Variants in TRAPPC6B observed in about 807,000 individuals in gnomAD.
The protein encoded by TRAPPC6B is TRAPP complex subunit 6B.
A neutral mutation model predicts 24.7 loss-of-function variants in TRAPPC6B; 27 were observed. That is an observed-to-expected ratio of 1.09 (90% CI 0.81 to 1.51). TRAPPC6B has a LOEUF of 1.51. TRAPPC6B is among the 40% of genes most tolerant of loss of function. The pLI, the probability that TRAPPC6B is intolerant of heterozygous loss-of-function variation, is 0.00. For synonymous variants in TRAPPC6B, 80 were observed against 66.6 expected, an observed-to-expected ratio of 1.20 and a Z score of -0.98; for missense variants, 212 against 190.8, an observed-to-expected ratio of 1.11 and a Z score of -0.66.
intron 1 of TRAPPC6B, among the ~76,000 whole-genome samples, chr14:39,169,189 T>C (rs955267373): frequency 3.3e-5 from 5 of 152,224 alleles, no homozygotes; most frequent in Non-Finnish European, 7.3e-5. Flanking sequence ...CCGTTACAAC[T>C]CCATGATTCT....
At chr14:39,156,589 G>C (rs1180232957) in intron 3 of TRAPPC6B, among the ~76,000 whole-genome samples, 1 of 152,008 alleles carries the variant, frequency 6.6e-6, no homozygotes, top group Non-Finnish European at 1.5e-5. Flanking sequence ...TAAATACATA[G>C]TTTTCTATGT....
chr14:39,150,473 C>A, intron 5 of TRAPPC6B, 92 bp from the exon 6 acceptor site: 1 of 938,148 alleles, frequency 1.1e-6, no homozygotes, highest in Non-Finnish European at 1.6e-6. Context: ...GAAATAGTTT[C>A]AGTCAAGAAA....
At chr14:39,159,657 T>C (rs977858846) in intron 1 of TRAPPC6B, 107 bp from the exon 2 acceptor site, 1 of 705,024 alleles carries the variant, frequency 1.4e-6, no homozygotes, top group Non-Finnish European at 2.2e-6. Context: ...ACATTTATAC[T>C]TTTTTCCCTG....
Position 39,148,674 on chromosome 14 carries a change from ATG to A in TRAPPC6B, c.*1674_*1675del. 2.5e-6 allele frequency: 1 copy of A among 398,500 alleles called. No individual in the cohort carries two copies. Among genetic ancestry groups the A allele is most frequent in the Non-Finnish European group, 4.4e-6 (1 of 226,006 alleles). The allele number at this position is 398,500 out of a possible 1,614,324, so 24.7% of individuals were successfully genotyped here. On this transcript the variant is annotated 3_prime_UTR_variant, in exon 6 of 6. Coordinates refer to ENST00000330149, the MANE Select transcript of TRAPPC6B (RefSeq NM_001079537.2). ...TTATGACTTTTAATAAACTTTATAC[ATG>A]TATATTTGGTAGGAACTTTCCTAAA...
At position 39,149,002 on chromosome 14, in the gene TRAPPC6B, T is replaced by C; in HGVS notation, c.*1348A>G. The C allele has an allele frequency of 2.8e-6, 1 of 360,108 alleles. No individual in the cohort carries two copies. The highest frequency in any genetic ancestry group is 4.0e-5 in the East Asian group (1 of 24,780). The allele number at this position is 360,108 out of a possible 1,614,324, so 22.3% of individuals were successfully genotyped here. A position where few individuals can be genotyped will look rare whatever the true frequency, so the allele number is the denominator to read the frequency against. On this transcript the variant is annotated 3_prime_UTR_variant, in exon 6 of 6. Transcript: ENST00000330149. ...AAACATAAAGAAGGTACAGTAAAAATACAGTATTGTAATCTTATGGAACCA... is the reference window on the plus strand; with the variant it reads ...AAACATAAAGAAGGTACAGTAAAAACACAGTATTGTAATCTTATGGAACCA...
intron 4 of TRAPPC6B, among the ~76,000 whole-genome samples, chr14:39,152,391 C>T (rs75393923): frequency 0.03 from 4,561 of 152,106 alleles, 237 homozygotes; most frequent in African/African-American, 0.1. Context: ...ACAGTTTGGA[C>T]GTTGAGAAAC....
intron 4 of TRAPPC6B, among the ~76,000 whole-genome samples, chr14:39,153,329 T>C (rs748240505): frequency 9.3e-5 from 14 of 150,466 alleles, no homozygotes; most frequent in Non-Finnish European, 1.8e-4. Flanking sequence ...CCCAAAAATA[T>C]AGAAAATAGG....
intron 1 of TRAPPC6B, 93 bp from the exon 2 acceptor site, chr14:39,159,643 G>A: frequency 1.2e-6 from 1 of 844,070 alleles, no homozygotes; most frequent in Middle Eastern, 2.5e-4. Flanking sequence ...AAATATTAAT[G>A]TAAACATTTA....
chr14:39,168,790 T>C (rs1446739739), intron 1 of TRAPPC6B, among the ~76,000 whole-genome samples: 2 of 152,202 alleles, frequency 1.3e-5, no homozygotes, highest in Non-Finnish European at 2.9e-5. Context: ...CCTGTCTTAA[T>C]CCAGATCTTC....
At chr14:39,169,053 T>C (rs1003781854) in intron 1 of TRAPPC6B, among the ~76,000 whole-genome samples, 1 of 152,214 alleles carries the variant, frequency 6.6e-6, no homozygotes, top group Non-Finnish European at 1.5e-5. Flanking sequence ...CACCACTCTT[T>C]CATACCTCTA....
Position 39,148,567 on chromosome 14 carries a change from A to C in TRAPPC6B, c.*1783T>G, listed in dbSNP as rs912293876. On this transcript the variant is annotated 3_prime_UTR_variant, in exon 6 of 6. Coordinates refer to ENST00000330149, the MANE Select transcript of TRAPPC6B (RefSeq NM_001079537.2). ...TGAACCCAGCTTTTTCACACACACA[A>C]TTCTCACACCTGTTTTATTTTGAAG... is the stretch of plus-strand genomic sequence containing the variant. 1.3e-5 allele frequency: 5 copies of C among 398,026 alleles called. No homozygotes were observed. In the Admixed American group the frequency reaches 1.8e-4, roughly 14 times the overall value. The allele number at this position is 398,026 out of a possible 1,614,324, so 24.7% of individuals were successfully genotyped here. A position where few individuals can be genotyped will look rare whatever the true frequency, so the allele number is the denominator to read the frequency against.
Position 39,170,128 on chromosome 14 carries a change from G to C in TRAPPC6B, c.-33C>G. ...TAATTCTTCCAAGCTTCGAGTTTTG[G>C]CTCCCGTTTGAGCTGGTCTGGGGGT... On this transcript the variant is annotated 5_prime_UTR_variant, in exon 1 of 6. Coordinates refer to ENST00000330149, the MANE Select transcript of TRAPPC6B (RefSeq NM_001079537.2). 2 of 1,611,906 alleles carry C rather than the reference G, an allele frequency of 1.2e-6. No individual in the cohort carries two copies. Among genetic ancestry groups the C allele is most frequent in the Non-Finnish European group, 8.5e-7 (1 of 1,178,146 alleles).
chr14:39,157,866 T>C lies in TRAPPC6B; in HGVS notation c.267+419A>G, dbSNP rs913277569. 3 of 176,206 alleles carry C rather than the reference T, an allele frequency of 1.7e-5. No individual in the cohort carries two copies. The Admixed American group carries it at 1.8e-4, about 11-fold the overall frequency. The allele number at this position is 176,206 out of a possible 1,614,324, so 10.9% of individuals were successfully genotyped here. On this transcript the variant is annotated intron_variant, in intron 3 of 5. Coordinates refer to ENST00000330149, the MANE Select transcript of TRAPPC6B (RefSeq NM_001079537.2). ...ACACCAAACTGGGTTAAACATACAC[T>C]GTTGAGTTTTCTGTATATAAAAATA... is the stretch of plus-strand genomic sequence containing the variant.
intron 2 of TRAPPC6B, chr14:39,158,662 C>T (rs2053016531): frequency 5.9e-6 from 2 of 339,082 alleles, no homozygotes; most frequent in Non-Finnish European, 1.1e-5. Context: ...GCTGAGACCA[C>T]AGGCACATGT....
chr14:39,151,118 G>A (rs1379988962), intron 5 of TRAPPC6B, among the ~76,000 whole-genome samples: 6 of 151,980 alleles, frequency 3.9e-5, no homozygotes, highest in South Asian at 2.1e-4. Context: ...CGGGCCGGGC[G>A]CGGTGGTTCA....
At chr14:39,158,534 T>C (rs1012271875) in intron 2 of TRAPPC6B, 132 bp from the exon 3 acceptor site, 6 of 598,160 alleles carry the variant, frequency 1.0e-5, no homozygotes, top group African/African-American at 1.9e-5. Flanking sequence ...AATTTTTTTT[T>C]TGAGACAGAT....
intron 1 of TRAPPC6B, among the ~76,000 whole-genome samples, chr14:39,164,872 A>C (rs2053092447): frequency 6.6e-6 from 1 of 152,084 alleles, no homozygotes; most frequent in Non-Finnish European, 1.5e-5. Context: ...AATAAAGTCC[A>C]AACTCCTTAG....
intron 1 of TRAPPC6B, among the ~76,000 whole-genome samples, chr14:39,166,684 G>T (rs574291869): frequency 2.6e-5 from 4 of 152,164 alleles, no homozygotes; most frequent in Non-Finnish European, 5.9e-5. Flanking sequence ...TATTCTGGAA[G>T]TCACAGATTT....
At chr14:39,154,987 G>A (rs1424030244) in intron 3 of TRAPPC6B, among the ~76,000 whole-genome samples, 2 of 152,108 alleles carry the variant, frequency 1.3e-5, no homozygotes, top group Non-Finnish European at 2.9e-5. Context: ...GAGTGTGGTG[G>A]TGCAATCACA....
Sources: allele counts gnomAD v4.1 joint callset (sites outside exome capture counted in the v4.1 genomes callset), GRCh38; gene constraint gnomAD v4.1.1; transcripts MANE v1.5; gene names NCBI Gene and HGNC (gene_info 2026-07-23, HGNC 2026-07-21).